Variants in ACSL3 observed in about 807,000 individuals in gnomAD.
ACSL3 encodes the protein acyl-CoA synthetase long chain family member 3.
Under a neutral mutation model 84.7 loss-of-function variants are expected in ACSL3, and 34 were observed. The observed-to-expected ratio is 0.40, with a 90% CI of 0.31 to 0.53. The LOEUF (loss-of-function observed/expected upper bound fraction) is 0.53. Among genes scored for constraint, ACSL3 ranks in the 20% least tolerant of loss-of-function variants. The pLI is 0.48. For missense variants in ACSL3, 680 were observed against 873.1 expected (o/e 0.78, Z 2.79); for synonymous variants, 315 against 299.4 (o/e 1.05, Z -0.54).
At chr2:222,889,676 C>T (rs1695799326) in intron 2 of ACSL3, among the ~76,000 whole-genome samples, 2 of 152,210 alleles carry the variant, frequency 1.3e-5, no homozygotes, top group Non-Finnish European at 2.9e-5. Flanking sequence ...GAGACGGAGA[C>T]AGCAGCAAGT....
At chr2:222,866,435 T>A (rs961389812) in intron 1 of ACSL3, among the ~76,000 whole-genome samples, 1 of 152,134 alleles carries the variant, frequency 6.6e-6, no homozygotes, top group Non-Finnish European at 1.5e-5. Context: ...TGGGAGCTAC[T>A]GCGCTGACTG....
chr2:222,921,128 G>A (rs6728234), intron 7 of ACSL3, 152 bp from the exon 8 acceptor site: 680,439 of 836,840 alleles, frequency 0.81, 278,657 homozygotes, highest in East Asian at 0.98. Context: ...GACTTGATCT[G>A]TTTTGTTGAT....
At chr2:222,930,089 C>T (rs115276976) in intron 13 of ACSL3, among the ~76,000 whole-genome samples, 10,713 of 151,712 alleles carry the variant, frequency 0.071, 499 homozygotes, top group Middle Eastern at 0.12. Context: ...CCACCATGCC[C>T]GACTAATTTT....
rs1468601664 is a variant in ACSL3, at chr2:222,941,681, A to G, written c.*27A>G. ...TATTCTCTTCTGGCATCAGTTTGCT[A>G]CAGTGAGCTCAGATCAAATAGGAAA... On this transcript the variant is annotated 3_prime_UTR_variant, in exon 17 of 17. Transcript: ENST00000357430. The G allele has an allele frequency of 1.2e-6, 2 of 1,602,458 alleles. No individual in the cohort carries two copies. Among genetic ancestry groups the G allele is most frequent in the Admixed American group, 1.7e-5 (1 of 59,466 alleles).
At chr2:222,921,248 G>C (rs776671449) in intron 7 of ACSL3, 32 bp from the exon 8 acceptor site, 39 of 1,584,130 alleles carry the variant, frequency 2.5e-5, no homozygotes, top group African/African-American at 4.0e-5. Flanking sequence ...TCTCATGAAA[G>C]TGTATGTGTG....
At chr2:222,918,931 C>T in intron 6 of ACSL3, 133 bp from the exon 7 acceptor site, 3 of 967,554 alleles carry the variant, frequency 3.1e-6, no homozygotes, top group African/African-American at 1.7e-5. Flanking sequence ...GATATTATGC[C>T]AGTGTACCCT....
At chr2:222,909,329 G>A (rs1016728815) in intron 4 of ACSL3, among the ~76,000 whole-genome samples, 179 bp downstream of exon 4, 1 of 152,202 alleles carries the variant, frequency 6.6e-6, no homozygotes, top group African/African-American at 2.4e-5. Flanking sequence ...GATATGTTCT[G>A]AGTTTTCAGA....
At position 222,909,366 on chromosome 2, in the gene ACSL3, G is replaced by A. The variant is rs571268315; in HGVS notation, c.378+216G>A. Among the ~76,000 whole-genome samples the A allele has an allele frequency of 3.7e-4, 57 of 152,132 alleles. No homozygotes were observed. The Middle Eastern group carries it at 0.01, about 27-fold the overall frequency. ...GGACATCGCAACCCAGTGGTGTGGAGCTCTTCCCCAGTGTCTACCAGGGTT... is the reference window on the plus strand; with the variant it reads ...GGACATCGCAACCCAGTGGTGTGGAACTCTTCCCCAGTGTCTACCAGGGTT... On this transcript the variant is annotated intron_variant, in intron 4 of 16. Transcript: ENST00000357430.
At chr2:222,923,910 T>TTAAAGTA (rs1696805347) in intron 10 of ACSL3, among the ~76,000 whole-genome samples, 1 of 152,192 alleles carries the variant, frequency 6.6e-6, no homozygotes, top group Non-Finnish European at 1.5e-5. Flanking sequence ...AAAGTATACT[T>TTAAAGTA]CACAGTAATG....
chr2:222,887,163 T>C (rs1695744640), intron 1 of ACSL3, among the ~76,000 whole-genome samples: 1 of 152,204 alleles, frequency 6.6e-6, no homozygotes, highest in Admixed American at 6.5e-5. Flanking sequence ...TGTCATATAG[T>C]TGGAATCATA....
intron 14 of ACSL3, among the ~76,000 whole-genome samples, chr2:222,932,182 A>G (rs962273882): frequency 2.6e-5 from 4 of 152,214 alleles, no homozygotes; most frequent in African/African-American, 9.6e-5. Context: ...TGCATTATGC[A>G]TGTCTCCAGA....
chr2:222,898,667 C>A (rs1696055248), intron 2 of ACSL3, among the ~76,000 whole-genome samples: 1 of 152,098 alleles, frequency 6.6e-6, no homozygotes, highest in Admixed American at 6.5e-5. Context: ...ACTAAAGATA[C>A]AAAAACAAAA....
At chr2:222,875,792 T>C (rs973649592) in intron 1 of ACSL3, among the ~76,000 whole-genome samples, 1 of 152,226 alleles carries the variant, frequency 6.6e-6, no homozygotes, top group African/African-American at 2.4e-5. Context: ...TCCAGTTCAG[T>C]GTCATAAGCA....
At chr2:222,920,276 T>C (rs1167076095) in intron 7 of ACSL3, among the ~76,000 whole-genome samples, 1 of 152,186 alleles carries the variant, frequency 6.6e-6, no homozygotes, top group Non-Finnish European at 1.5e-5. Context: ...GGTATTCTAT[T>C]GGGAGTACAT....
chr2:222,877,719 A>G (rs2106090483), intron 1 of ACSL3, among the ~76,000 whole-genome samples: 1 of 152,338 alleles, frequency 6.6e-6, no homozygotes, highest in East Asian at 1.9e-4. Context: ...ATTACATGCT[A>G]GAAATTTGGA....
At chr2:222,873,013 C>T (rs1178004499) in intron 1 of ACSL3, among the ~76,000 whole-genome samples, 1 of 152,266 alleles carries the variant, frequency 6.6e-6, no homozygotes, top group African/African-American at 2.4e-5. Flanking sequence ...TGAGAGTAGA[C>T]TGGGAAGATG....
chr2:222,941,688 G>A lies in ACSL3; in HGVS notation c.*34G>A. 6 of 1,579,588 alleles carry A rather than the reference G, an allele frequency of 3.8e-6. No homozygotes were observed. Among genetic ancestry groups the A allele is most frequent in the Non-Finnish European group, 5.2e-6 (6 of 1,162,470 alleles). Reference sequence around the variant, plus strand: ...TTCTGGCATCAGTTTGCTACAGTGAGCTCAGATCAAATAGGAAAATACTTG... The same window carrying A: ...TTCTGGCATCAGTTTGCTACAGTGAACTCAGATCAAATAGGAAAATACTTG... On this transcript the variant is annotated 3_prime_UTR_variant, in exon 17 of 17. Coordinates refer to ENST00000357430, the MANE Select transcript of ACSL3 (RefSeq NM_004457.5).
chr2:222,892,502 T>A (rs1456074986), intron 2 of ACSL3, among the ~76,000 whole-genome samples: 2 of 152,126 alleles, frequency 1.3e-5, no homozygotes, highest in African/African-American at 2.4e-5. Flanking sequence ...TAATTCTGGG[T>A]AGGAAATAGT....
Position 222,870,648 on chromosome 2 carries a change from A to G in ACSL3, c.-207+9390A>G, listed in dbSNP as rs1250656526. Reference sequence around the variant, plus strand: ...AGGCTTTGAATGTATGCAGAAGAATAAAGGACATTCCAGGTAGAGCTAACA... The same window carrying G: ...AGGCTTTGAATGTATGCAGAAGAATGAAGGACATTCCAGGTAGAGCTAACA... On this transcript the variant is annotated intron_variant, in intron 1 of 16. Transcript: ENST00000357430. Among the ~76,000 whole-genome samples, 3 of 152,324 alleles carry G rather than the reference A, an allele frequency of 2.0e-5. No homozygotes were observed. The East Asian group carries it at 5.8e-4, about 29-fold the overall frequency.
Sources: allele counts gnomAD v4.1 joint callset (sites outside exome capture counted in the v4.1 genomes callset), GRCh38; gene constraint gnomAD v4.1.1; transcripts MANE v1.5; gene names NCBI Gene and HGNC (gene_info 2026-07-23, HGNC 2026-07-21).